STON1: variants seen among roughly 807,000 people sequenced by gnomAD.
STON1 encodes the protein stonin-1.
In STON1, 79 loss-of-function variants were observed where a neutral mutation model predicts 60.9. The observed-to-expected ratio is 1.30, with a 90% CI of 1.08 to 1.56. The LOEUF (loss-of-function observed/expected upper bound fraction) is 1.56, where lower values mean the gene tolerates loss of function less well. STON1 is among the 40% of genes most tolerant of loss of function. The pLI, the probability that STON1 is intolerant of heterozygous loss-of-function variation, is 0.00. For missense variants in STON1, 1,166 were observed against 858.9 expected (o/e 1.36, Z -4.47); for synonymous variants, 363 against 306.9 (o/e 1.18, Z -1.91).
At chr2:48,565,583 TA>T (rs1190056524) in intron 1 of STON1, among the ~76,000 whole-genome samples, 2 of 152,168 alleles carry the variant, frequency 1.3e-5, no homozygotes, top group African/African-American at 2.4e-5. Context: ...CAGGGCAGAA[TA>T]CAGGCATGGT....
Position 48,581,607 on chromosome 2 carries a change from A to T in STON1, c.974A>T (p.Asp325Val). ...LEKPFKEIQL[D>V]PYCRLSEPKV... ...AAACCATTTAAAGAGATACAGCTTG[A>T]TCCATATTGTAGGCTTTCTGAACCC... The change falls in exon 2 of 4, where the codon GAT becomes GTT. Residue 325 changes from aspartate (D) to valine (V), a missense_variant. Asp to Val is a radical substitution (Grantham distance 152). Transcript: ENST00000404752. The T allele has an allele frequency of 6.2e-7, 1 of 1,614,216 alleles. No homozygotes were observed. The highest frequency in any genetic ancestry group is 8.5e-7 in the Non-Finnish European group (1 of 1,180,042).
chr2:48,593,927 C>G (rs890558062), intron 3 of STON1, among the ~76,000 whole-genome samples: 1 of 152,140 alleles, frequency 6.6e-6, no homozygotes, highest in Non-Finnish European at 1.5e-5. Context: ...TGGGAATTGC[C>G]GCCGCTGAAG....
rs770726618 is a variant in STON1, at chr2:48,581,302, G to A, written c.669G>A (p.Lys223=). 6.6e-7 allele frequency: 1 copy of A among 1,524,196 alleles called. No individual in the cohort carries two copies. Among genetic ancestry groups the A allele is most frequent in the Admixed American group, 2.2e-5 (1 of 44,636 alleles). The allele number at this position is 1,524,196 out of a possible 1,614,324, so 94.4% of individuals were successfully genotyped here. A position where few individuals can be genotyped will look rare whatever the true frequency, so the allele number is the denominator to read the frequency against. The change falls in exon 2 of 4, where the codon AAG becomes AAA. Residue 223 remains lysine (K), a synonymous_variant. Transcript: ENST00000404752. The stretch of plus-strand genomic sequence containing the variant: ...CTATTGACCAAAAAAGCCTAAATAA[G>A]TGTTCACTCAACTATATCTGTGAGA... ...EMPIDQKSLN[K]CSLNYICEKL...
chr2:48,547,809 C>T (rs980912399), intron 1 of STON1, among the ~76,000 whole-genome samples: 1 of 152,190 alleles, frequency 6.6e-6, no homozygotes, highest in African/African-American at 2.4e-5. Context: ...ATCTTGTCTA[C>T]ATGATAATGA....
Position 48,581,669 on chromosome 2 carries a change from A to G in STON1, c.1036A>G (p.Thr346Ala). ...ENFSVAGKIH[T>A]VKIEHVSYTE... is the part of the protein sequence containing the mutation. ...CTTCAGTGTAGCAGGAAAAATCCAC[A>G]CTGTGAAGATTGAACATGTGTCTTA... The change falls in exon 2 of 4, where the codon ACT (threonine) becomes GCT (alanine). Residue 346 changes from threonine (T) to alanine (A), a missense_variant. Transcript: ENST00000404752. The G allele has an allele frequency of 6.2e-7, 1 of 1,613,654 alleles. No individual in the cohort carries two copies. The highest frequency in any genetic ancestry group is 1.7e-4 in the Middle Eastern group (1 of 6,052).
chr2:48,584,044 C>T (rs538578685), intron 2 of STON1, among the ~76,000 whole-genome samples: 21 of 152,118 alleles, frequency 1.4e-4, no homozygotes, highest in African/African-American at 3.9e-4. Flanking sequence ...CCACTGTGCC[C>T]GGCCCATCCA....
intron 1 of STON1, among the ~76,000 whole-genome samples, chr2:48,549,316 C>T (rs1034428199): frequency 1.3e-5 from 2 of 152,174 alleles, no homozygotes; most frequent in Non-Finnish European, 2.9e-5. Context: ...TAGAAGAACC[C>T]GCAGGAGCCT....
chr2:48,546,450 C>T (rs1349933172), intron 1 of STON1, among the ~76,000 whole-genome samples: 3 of 152,198 alleles, frequency 2.0e-5, no homozygotes, highest in Non-Finnish European at 4.4e-5. Flanking sequence ...CTCATGTTTC[C>T]ATGAGGTGTT....
At chr2:48,572,121 C>G (rs1408448224) in intron 1 of STON1, among the ~76,000 whole-genome samples, 1 of 152,112 alleles carries the variant, frequency 6.6e-6, no homozygotes, top group Non-Finnish European at 1.5e-5. Context: ...CAAGATCATG[C>G]CACTACACTC....
chr2:48,550,311 A>C lies in STON1; in HGVS notation c.-48+20095A>C, dbSNP rs534166928. Among the ~76,000 whole-genome samples, 41 of 152,148 alleles carry C rather than the reference A, an allele frequency of 2.7e-4. 1 individual carries two copies. The South Asian group carries it at 8.3e-3, about 31-fold the overall frequency. On this transcript the variant is annotated intron_variant, in intron 1 of 3. Transcript: ENST00000404752. ...TCAGGAGTTTGAGACCAGCCTGATCAACATGGTGAAACCCTCTCTCTGCTA... is the reference window on the plus strand; with the variant it reads ...TCAGGAGTTTGAGACCAGCCTGATCCACATGGTGAAACCCTCTCTCTGCTA...
At chr2:48,560,879 C>A (rs752843738) in intron 1 of STON1, among the ~76,000 whole-genome samples, 1 of 152,186 alleles carries the variant, frequency 6.6e-6, no homozygotes, top group African/African-American at 2.4e-5. Context: ...CACTTTATCC[C>A]CACCCACCTA....
chr2:48,557,499 C>T (rs1172981858), intron 1 of STON1, among the ~76,000 whole-genome samples: 2 of 108,056 alleles, frequency 1.9e-5, no homozygotes, highest in Non-Finnish European at 4.0e-5. Context: ...GATGGGCGGC[C>T]AGGCAGAGAC....
intron 1 of STON1, among the ~76,000 whole-genome samples, chr2:48,574,073 G>A (rs1216290228): frequency 7.2e-5 from 11 of 152,132 alleles, no homozygotes; most frequent in Non-Finnish European, 1.5e-4. Context: ...TTATTGGGAT[G>A]AAAAGAATGT....
intron 1 of STON1, among the ~76,000 whole-genome samples, chr2:48,564,980 G>A (rs1672873366): frequency 6.9e-6 from 1 of 145,350 alleles, no homozygotes; most frequent in African/African-American, 2.6e-5. Flanking sequence ...TGATCCACCT[G>A]CCTCAGCCTT....
Position 48,581,007 on chromosome 2 carries a change from C to A in STON1, c.374C>A (p.Pro125His). The A allele has an allele frequency of 6.4e-7, 1 of 1,572,380 alleles. No individual in the cohort carries two copies. Residue 125 changes from proline to histidine, a missense_variant, in exon 2 of 4, where the codon CCT becomes CAT. Physicochemically the swap from Pro to His is moderately conservative, Grantham distance 77. Coordinates refer to ENST00000404752, the MANE Select transcript of STON1 (RefSeq NM_006873.4). ...TCAGGAGGAGAATCTTCCTTACTGC[C>A]TACCAGACCAACATGTTTATCCCAT... ...AISGGESSLL[P>H]TRPTCLSHAL...
At chr2:48,558,937 C>T (rs533029024) in intron 1 of STON1, among the ~76,000 whole-genome samples, 2 of 152,310 alleles carry the variant, frequency 1.3e-5, no homozygotes, top group African/African-American at 4.8e-5. Context: ...AATCCAAAAT[C>T]TGAAATCTCG....
intron 1 of STON1, among the ~76,000 whole-genome samples, chr2:48,535,008 C>A (rs1371864248): frequency 6.6e-6 from 1 of 152,188 alleles, no homozygotes; most frequent in African/African-American, 2.4e-5. Context: ...ATTCCAGGTA[C>A]CTTATGGGAT....
In STON1 at chr2:48,583,634, C is replaced by G. The variant is rs1227317430; in HGVS notation, c.1930+1071C>G. Among the ~76,000 whole-genome samples the G allele has an allele frequency of 6.0e-5, 9 of 150,622 alleles. No individual in the cohort carries two copies. The East Asian group carries it at 1.7e-3, about 29-fold the overall frequency. On this transcript the variant is annotated intron_variant, in intron 2 of 3. Coordinates refer to ENST00000404752, the MANE Select transcript of STON1 (RefSeq NM_006873.4). ...GTTGTTGGTTTTTTTTTTTTTTCCCCCCTAGCAGAGCACTGGTCACTGGTC... is the reference window on the plus strand; with the variant it reads ...GTTGTTGGTTTTTTTTTTTTTTCCCGCCTAGCAGAGCACTGGTCACTGGTC...
At chr2:48,538,868 G>A (rs1036860393) in intron 1 of STON1, among the ~76,000 whole-genome samples, 4 of 149,850 alleles carry the variant, frequency 2.7e-5, no homozygotes, top group South Asian at 2.1e-4. Context: ...TCCGCCTGCC[G>A]CGGCCTCCCA....
Sources: gnomAD v4.1 joint callset for allele counts (sites outside exome capture counted in the v4.1 genomes callset) on GRCh38, gnomAD v4.1.1 for gene constraint, MANE v1.5 for transcripts, NCBI Gene and HGNC (gene_info 2026-07-23, HGNC 2026-07-21) for gene names.